Variants in LIN9 observed in about 807,000 individuals in gnomAD.
LIN9 encodes the protein lin-9 DREAM MuvB core complex component.
LIN9 carries 18 observed loss-of-function variants against 78.0 expected under a neutral mutation model. That is an observed-to-expected ratio of 0.23 (90% CI 0.16 to 0.34). The LOEUF (loss-of-function observed/expected upper bound fraction) is 0.34, where lower values mean the gene tolerates loss of function less well. LIN9 is among the 10% of genes least tolerant of loss of function. The pLI is 1.00. For synonymous variants in LIN9, 192 were observed against 215.2 expected, an observed-to-expected ratio of 0.89 and a Z score of 0.94; for missense variants, 451 against 644.1, an observed-to-expected ratio of 0.70 and a Z score of 3.25.
rs1012279397 is a variant in LIN9 at position 226,265,310 on chromosome 1, G to A, written c.1038+223C>T. Among the ~76,000 whole-genome samples, 2 of 152,160 alleles carry A rather than the reference G, an allele frequency of 1.3e-5. No individual in the cohort carries two copies. The highest frequency in any genetic ancestry group is 2.9e-5 in the Non-Finnish European group (2 of 68,036). ...CAAGAATGTTTGAGCCCTTAAAATA[G>A]CAGAATAATAAGAACTCAGACACAA... On this transcript the variant is annotated intron_variant, in intron 10 of 14. Coordinates refer to ENST00000681046, the MANE Select transcript of LIN9 (RefSeq NM_001366245.2). This position sits in a 1 kb window ranked among gnomAD's most constrained non-coding sequence, Gnocchi z 4.1.
chr1:226,237,810 G>A (rs1453528808), intron 12 of LIN9, among the ~76,000 whole-genome samples: 3 of 150,698 alleles, frequency 2.0e-5, no homozygotes, highest in Non-Finnish European at 2.9e-5. Flanking sequence ...AAAATTAGCC[G>A]GGCATGGTGG....
At chr1:226,282,105 CTTTCT>C (rs1034303944) in intron 6 of LIN9, among the ~76,000 whole-genome samples, 71 of 152,216 alleles carry the variant, frequency 4.7e-4, no homozygotes, top group African/African-American at 1.7e-3. Context: ...GTGTATTTTG[CTTTCT>C]TTTCTTGACA....
Position 226,243,864 on chromosome 1 carries a change from CATACAA to C in LIN9, c.1120-4774_1120-4769del, listed in dbSNP as rs1474711448. 9.3e-5 allele frequency among the ~76,000 whole-genome samples: 12 copies of C among 129,002 alleles called. No individual in the cohort carries two copies. The East Asian group carries it at 2.8e-3, about 30-fold the overall frequency. 84.6% of individuals were successfully genotyped at this position (129,002 alleles called of 152,430 possible). On this transcript the variant is annotated intron_variant, in intron 11 of 14. Transcript: ENST00000681046. ...AGTATATTCATTTTACACATATACA[CATACAA>C]TTAAAAATTATTATTATTTTTTGAG...
At chr1:226,294,788 A>C (rs531934541) in intron 4 of LIN9, among the ~76,000 whole-genome samples, 1 of 152,094 alleles carries the variant, frequency 6.6e-6, no homozygotes, top group South Asian at 2.1e-4. Context: ...TCATTCCTTT[A>C]ATTTTTACAT....
rs1657404692 is a variant in LIN9, at chr1:226,232,553, C to G, written c.1577G>C (p.Ser526Thr). Residue 526 changes from serine to threonine, a missense_variant, in exon 15 of 15, where the codon AGC becomes ACC. Physicochemically the swap from Ser to Thr is moderately conservative, Grantham distance 58. Coordinates refer to ENST00000681046, the MANE Select transcript of LIN9 (RefSeq NM_001366245.2). ...IHVAHIQSGL[S>T]QMGNLHAFAA... ...AAAGGCATGTAAGTTTCCCATCTGG[C>G]TCAGGCCACTCTGAATATGTGCAAC... 6.2e-7 allele frequency: 1 copy of G among 1,612,492 alleles called. No individual in the cohort carries two copies. The highest frequency in any genetic ancestry group is 8.5e-7 in the Non-Finnish European group (1 of 1,179,036).
chr1:226,285,085 T>C (rs571212406), intron 6 of LIN9, among the ~76,000 whole-genome samples: 50 of 152,158 alleles, frequency 3.3e-4, no homozygotes, highest in Admixed American at 7.2e-4. Context: ...GACTATAAGA[T>C]TAAATAATGT....
intron 4 of LIN9, among the ~76,000 whole-genome samples, chr1:226,290,685 T>C (rs1558199221): frequency 6.6e-6 from 1 of 152,108 alleles, no homozygotes; most frequent in Admixed American, 6.6e-5. Context: ...AGATGGTTGG[T>C]TCTGTACTGA....
chr1:226,249,655 C>T (rs1270528281), intron 11 of LIN9, among the ~76,000 whole-genome samples: 2 of 152,182 alleles, frequency 1.3e-5, no homozygotes, highest in Non-Finnish European at 2.9e-5. Flanking sequence ...TATTCCCATT[C>T]CTGCACTTAC....
intron 2 of LIN9, among the ~76,000 whole-genome samples, chr1:226,300,510 C>T (rs1040449933): frequency 3.9e-5 from 6 of 152,086 alleles, no homozygotes; most frequent in Admixed American, 2.6e-4. Context: ...GTAATCACAT[C>T]ACCACACTCT....
At chr1:226,271,841 T>C (rs1320330710) in intron 7 of LIN9, among the ~76,000 whole-genome samples, 1 of 152,200 alleles carries the variant, frequency 6.6e-6, no homozygotes, top group East Asian at 1.9e-4. Context: ...TTTTTATCAT[T>C]ATGAAATACT....
intron 12 of LIN9, among the ~76,000 whole-genome samples, chr1:226,235,995 C>A (rs985421105): frequency 2.0e-5 from 3 of 151,996 alleles, no homozygotes; most frequent in Non-Finnish European, 4.4e-5. Flanking sequence ...AATAACATAT[C>A]CTGGAAATCA....
At chr1:226,297,006 C>T (rs535417059) in intron 3 of LIN9, among the ~76,000 whole-genome samples, 27 of 152,204 alleles carry the variant, frequency 1.8e-4, no homozygotes, top group African/African-American at 6.3e-4. Flanking sequence ...AAAAGAAAAA[C>T]AAAAAGAAAT....
chr1:226,252,450 T>C (rs1658898084), intron 10 of LIN9, among the ~76,000 whole-genome samples: 1 of 152,026 alleles, frequency 6.6e-6, no homozygotes, highest in South Asian at 2.1e-4. Flanking sequence ...CAATTTACGT[T>C]AAGATACAAA....
intron 10 of LIN9, among the ~76,000 whole-genome samples, chr1:226,251,170 C>T (rs1020116265): frequency 9.9e-5 from 15 of 152,038 alleles, no homozygotes; most frequent in Non-Finnish European, 2.9e-5. Context: ...ATTCTCAACT[C>T]AGCCTCCCGA....
chr1:226,252,784 T>C (rs759044931), intron 10 of LIN9, among the ~76,000 whole-genome samples: 5 of 151,214 alleles, frequency 3.3e-5, no homozygotes, highest in African/African-American at 4.9e-5. Context: ...CTGGCCAACA[T>C]AGTAAAACCC....
chr1:226,271,517 A>G (rs2102925389), intron 7 of LIN9, among the ~76,000 whole-genome samples: 1 of 152,330 alleles, frequency 6.6e-6, no homozygotes, highest in Admixed American at 6.5e-5. Context: ...GTATATGTCG[A>G]TAAACAAGCC....
intron 1 of LIN9, among the ~76,000 whole-genome samples, chr1:226,307,728 A>G (rs1017748032): frequency 6.6e-6 from 1 of 152,212 alleles, no homozygotes; most frequent in Non-Finnish European, 1.5e-5. Context: ...GCCCTACCCA[A>G]TACAGTGACT....
intron 10 of LIN9, among the ~76,000 whole-genome samples, chr1:226,254,131 C>T (rs1659038788): frequency 6.6e-6 from 1 of 152,056 alleles, no homozygotes; most frequent in African/African-American, 2.4e-5. Context: ...TGGGGTCTCA[C>T]TATGTTGCCC....
intron 6 of LIN9, among the ~76,000 whole-genome samples, chr1:226,278,817 C>T (rs1425513535): frequency 1.6e-5 from 2 of 124,360 alleles, no homozygotes; most frequent in East Asian, 2.5e-4. Flanking sequence ...GAGTAAAACT[C>T]CGTCTCAAAA....
Sources: allele counts gnomAD v4.1 joint callset (sites outside exome capture counted in the v4.1 genomes callset), GRCh38; gene constraint gnomAD v4.1.1; non-coding constraint Gnocchi (gnomAD v3.1); transcripts MANE v1.5; gene names NCBI Gene and HGNC (gene_info 2026-07-23, HGNC 2026-07-21).